Variants in CYGB observed in about 807,000 individuals in gnomAD.
CYGB encodes cytoglobin, also known as histoglobin.
In CYGB, 13 loss-of-function variants were observed where a neutral mutation model predicts 20.7. The observed-to-expected ratio is 0.63, with a 90% confidence interval of 0.41 to 1.00. CYGB has a LOEUF of 1.00. Ranked by LOEUF, CYGB falls within the 50% of genes least tolerant of loss-of-function variation. The probability of loss-of-function intolerance (pLI) is 0.00; values close to 1 mark genes in which losing one functional copy is unlikely to be tolerated. For synonymous variants in CYGB, 93 were observed against 107.4 expected, an observed-to-expected ratio of 0.87 and a Z score of 0.83; for missense variants, 218 against 257.2, an observed-to-expected ratio of 0.85 and a Z score of 1.04.
intron 3 of CYGB, chr17:76,529,055 AC>A (rs2074801292): frequency 1.3e-5 from 4 of 313,776 alleles, no homozygotes; most frequent in African/African-American, 5.6e-5. Context: ...CCCCCCCCCC[AC>A]CCCCCACCCA....
chr17:76,539,944 C>A (rs2074965704), upstream of CYGB: 6 of 614,804 alleles, frequency 9.8e-6, no homozygotes, highest in Admixed American at 8.4e-5. Context: ...GAGGGGAGAA[C>A]CTGGGCCCAG....
rs777248455 is a variant in CYGB at position 76,545,159 on chromosome 17, G to A, written c.-53+5703C>T. 2.4e-5 allele frequency: 11 copies of A among 456,572 alleles called. No individual in the cohort carries two copies. Among genetic ancestry groups the A allele is most frequent in the Non-Finnish European group, 3.5e-5 (8 of 226,968 alleles). The allele number at this position is 456,572 out of a possible 1,614,324, so 28.3% of individuals were successfully genotyped here. Reference sequence around the variant, plus strand: ...CAGCCCACGCTCGCCTCTTATTCCCGGGGCCTCTCCCACCCCTGGGCTCTC... The same window carrying A: ...CAGCCCACGCTCGCCTCTTATTCCCAGGGCCTCTCCCACCCCTGGGCTCTC... On this transcript the variant is annotated intron_variant, in intron 1 of 3. Coordinates refer to the CYGB transcript ENST00000589145.
Position 76,531,369 on chromosome 17 carries a change from G to C in CYGB, c.375+91C>G. 1.4e-6 allele frequency: 2 copies of C among 1,474,662 alleles called. No homozygotes were observed. Among genetic ancestry groups the C allele is most frequent in the Non-Finnish European group, 1.9e-6 (2 of 1,080,608 alleles). The allele number at this position is 1,474,662 out of a possible 1,614,324, so 91.3% of individuals were successfully genotyped here. ...CGCAGCCACTCCGGGGATCACCTCT[G>C]TTGCTCCAGAGAGCCGTCGCAGAGC... On this transcript the variant is annotated intron_variant, in intron 2 of 3. Transcript: ENST00000293230. This position sits in a 1 kb window ranked among gnomAD's most constrained non-coding sequence, Gnocchi z 7.4.
Position 76,530,077 on chromosome 17 carries a change from G to T in CYGB, c.539+902C>A. On this transcript the variant is annotated intron_variant, in intron 3 of 3. Coordinates refer to ENST00000293230, the MANE Select transcript of CYGB (RefSeq NM_134268.5). The surrounding 1 kb of genome is among the most constrained non-coding windows in gnomAD (Gnocchi z 6.1). ...GCCCGTGCAGAGCCCGGCGGGAGAC[G>T]CCGCCTTTTCCATGGGAAACTGCTG... is the stretch of plus-strand genomic sequence containing the variant. The T allele has an allele frequency of 1.0e-6, 1 of 984,762 alleles. No homozygotes were observed. The highest frequency in any genetic ancestry group is 1.2e-6 in the Non-Finnish European group (1 of 829,402). 61.0% of individuals were successfully genotyped at this position (984,762 alleles called of 1,614,324 possible).
rs957241642 is a variant in CYGB, at chr17:76,537,637, G to A, written c.-95C>T. 8 of 969,022 alleles carry A rather than the reference G, an allele frequency of 8.3e-6. No individual in the cohort carries two copies. Among genetic ancestry groups the A allele is most frequent in the Middle Eastern group, 5.2e-4 (1 of 1,922 alleles). The allele number at this position is 969,022 out of a possible 1,614,324, so 60.0% of individuals were successfully genotyped here. A position where few individuals can be genotyped will look rare whatever the true frequency, so the allele number is the denominator to read the frequency against. On this transcript the variant is annotated 5_prime_UTR_variant, in exon 1 of 4. It adds an upstream start codon to the 5' untranslated region. Transcript: ENST00000293230. Reference sequence around the variant, plus strand: ...GGCGCCGGGAGCCGGGGCCGGCTGCGTGCGCGGCGGGCGGGCGAGGGGTAG... The same window carrying A: ...GGCGCCGGGAGCCGGGGCCGGCTGCATGCGCGGCGGGCGGGCGAGGGGTAG...
At chr17:76,544,410 C>G (rs2278639) in intron 1 of CYGB, 1 of 454,648 alleles carries the variant, frequency 2.2e-6, no homozygotes. Context: ...GCTGGGGAGG[C>G]GCTCAGGGTG....
chr17:76,534,128 T>TTC (rs1436503180), intron 1 of CYGB, among the ~76,000 whole-genome samples: 7 of 133,302 alleles, frequency 5.3e-5, no homozygotes, highest in Admixed American at 1.6e-4. Flanking sequence ...CTTTCTTTCT[T>TTC]TCTCTCTCTC....
chr17:76,545,068 TG>T (rs558478413), intron 1 of CYGB: 103 of 451,614 alleles, frequency 2.3e-4, no homozygotes, highest in Middle Eastern at 4.9e-4. Context: ...GTGGGGGGGC[TG>T]TCTCCCCCAG....
At chr17:76,540,266 T>TGGGGGGGGGGGGGGGG (rs2074974709), upstream of CYGB, 1 of 343,106 alleles carries the variant, frequency 2.9e-6, no homozygotes. The surrounding 1 kb of genome is among the most constrained non-coding windows in gnomAD (Gnocchi z 5.0). Flanking sequence ...GGGGGGGGCA[T>TGGGGGGGGGGGGGGGG]GGGGCTGGGC....
upstream of CYGB, chr17:76,538,049 G>T: frequency 6.6e-6 from 1 of 152,642 alleles, no homozygotes; most frequent in South Asian, 2.0e-4. Flanking sequence ...CGCGGGCCGG[G>T]AGCGCTGGGT....
At chr17:76,538,501 C>T (rs532445018), upstream of CYGB, 43 of 466,770 alleles carry the variant, frequency 9.2e-5, no homozygotes, top group East Asian at 2.0e-3. Context: ...ATGAATGACA[C>T]GGACAGGCAA....
chr17:76,540,547 G>A, upstream of CYGB: 1 of 1,613,586 alleles, frequency 6.2e-7, no homozygotes. The surrounding 1 kb of genome is among the most constrained non-coding windows in gnomAD (Gnocchi z 5.0). Flanking sequence ...GCAGCAGCTT[G>A]GATGCGGACC....
chr17:76,529,644 G>A, intron 3 of CYGB: 1 of 985,460 alleles, frequency 1.0e-6, no homozygotes, highest in Non-Finnish European at 1.2e-6. Context: ...CGTGGGGAGA[G>A]GGGTGGGAGG....
At chr17:76,529,323 T>C (rs1218623202) in intron 3 of CYGB, 1 of 985,230 alleles carries the variant, frequency 1.0e-6, no homozygotes, top group East Asian at 1.1e-4. Context: ...GTAACCCCCA[T>C]GGGGTGCCAG....
intron 3 of CYGB, chr17:76,529,902 C>T (rs2074814366): frequency 1.0e-6 from 1 of 985,006 alleles, no homozygotes; most frequent in Non-Finnish European, 1.2e-6. Context: ...TGGGGTGGTG[C>T]TGACGGGAGA....
upstream of CYGB, among the ~76,000 whole-genome samples, chr17:76,541,727 C>T (rs188954156): frequency 1.7e-4 from 26 of 152,314 alleles, no homozygotes; most frequent in African/African-American, 4.8e-4. Flanking sequence ...GGGCCTCCCC[C>T]GATAGGAGGC....
intron 1 of CYGB, chr17:76,550,265 CT>C (rs1279616888): frequency 2.1e-3 from 279 of 130,750 alleles, no homozygotes; most frequent in Middle Eastern, 5.1e-3. Flanking sequence ...CTAGAAGGTT[CT>C]TTTTTTTTTT....
Position 76,527,656 on chromosome 17 carries a change from T to C in CYGB, c.*922A>G, listed in dbSNP as rs540004705. On this transcript the variant is annotated 3_prime_UTR_variant, in exon 4 of 4. Transcript: ENST00000293230. ...AGCCCTCGGCCCTCGGAGCTGAGGG[T>C]GAGACCCAGGCATGTGGTCCCGCCG... 17 of 453,556 alleles carry C rather than the reference T, an allele frequency of 3.7e-5. No homozygotes were observed. Among genetic ancestry groups the C allele is most frequent in the African/African-American group, 3.0e-4 (15 of 49,908 alleles). 28.1% of individuals were successfully genotyped at this position (453,556 alleles called of 1,614,324 possible).
rs1486082058 is a variant in CYGB, at chr17:76,528,454, G to A, written c.*124C>T. On this transcript the variant is annotated 3_prime_UTR_variant, in exon 4 of 4. Transcript: ENST00000293230. The surrounding 1 kb of genome is among the most constrained non-coding windows in gnomAD (Gnocchi z 5.8). ...CCTGGCCGCCACAGAGGCCTCCTTC[G>A]GGGAAGTTGAGTCAGGGATTCCTCC... 36 of 948,338 alleles carry A rather than the reference G, an allele frequency of 3.8e-5. No individual in the cohort carries two copies. The highest frequency in any genetic ancestry group is 4.8e-5 in the Non-Finnish European group (34 of 710,502). 58.7% of individuals were successfully genotyped at this position (948,338 alleles called of 1,614,324 possible).
Sources: gnomAD v4.1 joint callset for allele counts (sites outside exome capture counted in the v4.1 genomes callset) on GRCh38, gnomAD v4.1.1 for gene constraint, Gnocchi (gnomAD v3.1) non-coding constraint, MANE v1.5 for transcripts, NCBI Gene and HGNC (gene_info 2026-07-23, HGNC 2026-07-21) for gene names.